The following PPP2R2B variants were observed in gnomAD, a reference collection of about 807,000 sequenced individuals.
PPP2R2B encodes protein phosphatase 2 regulatory subunit Bbeta, also known as serine/threonine-protein phosphatase 2A 55 kDa regulatory subunit B beta isoform.
In PPP2R2B, 5 loss-of-function variants were observed where a neutral mutation model predicts 46.0. The ratio of observed to expected loss-of-function variants is 0.11; its 90% CI spans 0.06 to 0.23. The LOEUF (loss-of-function observed/expected upper bound fraction) is 0.23. Among genes scored for constraint, PPP2R2B ranks in the 10% least tolerant of loss-of-function variants. The pLI, the probability that PPP2R2B is intolerant of heterozygous loss-of-function variation, is 1.00. For missense variants in PPP2R2B, 367 were observed against 575.0 expected (o/e 0.64, Z 3.70); for synonymous variants, 215 against 206.7 (o/e 1.04, Z -0.34).
chr5:146,645,815 C>T (rs1561799915), intron 6 of PPP2R2B, among the ~76,000 whole-genome samples: 3 of 152,206 alleles, frequency 2.0e-5, no homozygotes, highest in African/African-American at 7.2e-5. Context: ...GGTGAGGCTT[C>T]TGCTACCCTT....
chr5:146,638,520 T>G (rs1199763014), intron 6 of PPP2R2B, 105 bp from the exon 7 acceptor site: 11 of 1,096,164 alleles, frequency 1.0e-5, no homozygotes, highest in Non-Finnish European at 1.4e-5. Context: ...TATGTCAACA[T>G]TTGCTATGCA....
At chr5:146,884,970 C>T (rs1762275124) in intron 1 of PPP2R2B, among the ~76,000 whole-genome samples, 1 of 152,022 alleles carries the variant, frequency 6.6e-6, no homozygotes, top group Non-Finnish European at 1.5e-5. Flanking sequence ...AAAATTTAGC[C>T]ATAAAATTAT....
intron 2 of PPP2R2B, among the ~76,000 whole-genome samples, chr5:146,803,189 C>T (rs987100619): frequency 3.3e-5 from 5 of 152,124 alleles, no homozygotes; most frequent in African/African-American, 1.2e-4. Flanking sequence ...AATTAGAACA[C>T]TTTTTAAGTA....
intron 1 of PPP2R2B, among the ~76,000 whole-genome samples, chr5:147,001,452 CT>C (rs1403146067): frequency 6.6e-6 from 1 of 152,114 alleles, no homozygotes; most frequent in Non-Finnish European, 1.5e-5. Context: ...TGTGGCTTCA[CT>C]CCTGAAGTCA....
Position 146,589,769 on chromosome 5 carries a change from G to T in PPP2R2B, c.*178C>A, listed in dbSNP as rs1770411887. ...GAAGTGTCCCAAACCTATTGGGTTT[G>T]ACAAAAGTTTCTTAGAACTGGGGAG... On this transcript the variant is annotated 3_prime_UTR_variant, in exon 10 of 10. Coordinates refer to ENST00000394411, the MANE Select transcript of PPP2R2B (RefSeq NM_181675.4). The T allele has an allele frequency of 4.4e-6, 3 of 675,866 alleles. No individual in the cohort carries two copies. Among genetic ancestry groups the T allele is most frequent in the Admixed American group, 5.8e-5 (2 of 34,326 alleles). 41.9% of individuals were successfully genotyped at this position (675,866 alleles called of 1,614,324 possible). A position where few individuals can be genotyped will look rare whatever the true frequency, so the allele number is the denominator to read the frequency against.
At chr5:146,840,591 G>A (rs926563880) in intron 2 of PPP2R2B, among the ~76,000 whole-genome samples, 1 of 152,058 alleles carries the variant, frequency 6.6e-6, no homozygotes, top group South Asian at 2.1e-4. Flanking sequence ...ATACCCAAAG[G>A]GGTTTGGAGG....
Position 146,583,550 on chromosome 5 carries a change from T to C in PPP2R2B, c.*6397A>G, listed in dbSNP as rs941874772. On this transcript the variant is annotated 3_prime_UTR_variant, in exon 10 of 10. Transcript: ENST00000394411. Reference sequence around the variant, plus strand: ...TGGCAGGCTCGGTATCCTGGGCTCTTGACATTCCACTGCCACCATTGCCTG... The same window carrying C: ...TGGCAGGCTCGGTATCCTGGGCTCTCGACATTCCACTGCCACCATTGCCTG... 1 of 152,134 alleles carries C rather than the reference T, an allele frequency of 6.6e-6. No individual in the cohort carries two copies. The highest frequency in any genetic ancestry group is 2.4e-5 in the African/African-American group (1 of 41,422). 9.4% of individuals were successfully genotyped at this position (152,134 alleles called of 1,614,324 possible).
intron 6 of PPP2R2B, among the ~76,000 whole-genome samples, chr5:146,642,604 A>G (rs1216621640): frequency 6.6e-6 from 1 of 152,222 alleles, no homozygotes; most frequent in African/African-American, 2.4e-5. Context: ...TGATGATGTC[A>G]TTTAAAACTT....
chr5:146,620,011 A>C (rs1353237337), intron 7 of PPP2R2B, among the ~76,000 whole-genome samples: 2 of 152,200 alleles, frequency 1.3e-5, no homozygotes, highest in Admixed American at 6.5e-5. Context: ...TGACAACAAG[A>C]GCACCTGTTA....
chr5:146,764,800 C>CGAGA (rs67810307), intron 2 of PPP2R2B, among the ~76,000 whole-genome samples: 10,283 of 149,852 alleles, frequency 0.069, 654 homozygotes, highest in African/African-American at 0.17. Flanking sequence ...ATCTCTATCC[C>CGAGA]GAGAGAGAGA....
chr5:146,895,889 A>G (rs1313714555), intron 1 of PPP2R2B, among the ~76,000 whole-genome samples: 4 of 152,216 alleles, frequency 2.6e-5, no homozygotes, highest in African/African-American at 9.6e-5. Context: ...TGTGTACATA[A>G]TTGGAAGACA....
chr5:146,738,400 A>AG (rs1382903248), intron 2 of PPP2R2B, among the ~76,000 whole-genome samples: 1 of 120,746 alleles, frequency 8.3e-6, no homozygotes, highest in African/African-American at 3.2e-5. Flanking sequence ...AGTCTCAAAA[A>AG]AAAAAAAAAA....
intron 2 of PPP2R2B, among the ~76,000 whole-genome samples, chr5:146,733,080 G>A (rs1236756809): frequency 2.0e-5 from 3 of 152,150 alleles, no homozygotes; most frequent in South Asian, 2.1e-4. Context: ...AATATGGGCC[G>A]AATTTGGACT....
intron 1 of PPP2R2B, among the ~76,000 whole-genome samples, chr5:146,920,606 C>G (rs1253297469): frequency 6.6e-6 from 1 of 152,108 alleles, no homozygotes; most frequent in Non-Finnish European, 1.5e-5. Context: ...GACTGCCAGT[C>G]CCTGCTAGGA....
chr5:146,788,928 T>C (rs986961840), intron 2 of PPP2R2B, among the ~76,000 whole-genome samples: 6 of 152,206 alleles, frequency 3.9e-5, no homozygotes, highest in African/African-American at 1.4e-4. Flanking sequence ...TGCTCACTGT[T>C]GTACCCCAGC....
intron 2 of PPP2R2B, among the ~76,000 whole-genome samples, chr5:146,845,447 G>T (rs983855232): frequency 6.7e-6 from 1 of 150,308 alleles, no homozygotes. Flanking sequence ...TAGAGACGGG[G>T]TTTCACCGTG....
intron 7 of PPP2R2B, among the ~76,000 whole-genome samples, chr5:146,604,958 C>T (rs1464292440): frequency 6.6e-6 from 1 of 152,190 alleles, no homozygotes; most frequent in Non-Finnish European, 1.5e-5. Context: ...TGTTGCTCCT[C>T]ACCTCTTCCT....
rs114767374 is a variant in PPP2R2B, at chr5:146,961,241, G to A, written c.79+94424C>T. On this transcript the variant is annotated intron_variant, in intron 1 of 8. Coordinates refer to the PPP2R2B transcript ENST00000336640. ...TTGTCCCGATAACAGCAACAAAAACGCTTAGGAAGGGGGAAGGCTATGATG... is the reference window on the plus strand; with the variant it reads ...TTGTCCCGATAACAGCAACAAAAACACTTAGGAAGGGGGAAGGCTATGATG... Among the ~76,000 whole-genome samples, 1,113 of 152,230 alleles carry A rather than the reference G, an allele frequency of 7.3e-3. 11 individuals are homozygous for A. The highest frequency in any genetic ancestry group is 0.025 in the African/African-American group (1,057 of 41,532).
At chr5:147,042,143 T>G (rs561505375) in intron 1 of PPP2R2B, among the ~76,000 whole-genome samples, 1 of 152,292 alleles carries the variant, frequency 6.6e-6, no homozygotes, top group African/African-American at 2.4e-5. Context: ...CCCCTGCACC[T>G]GGAACTGTTT....
Sources: gnomAD v4.1 joint callset for allele counts (sites outside exome capture counted in the v4.1 genomes callset) on GRCh38, gnomAD v4.1.1 for gene constraint, MANE v1.5 for transcripts, NCBI Gene and HGNC (gene_info 2026-07-23, HGNC 2026-07-21) for gene names.